Variants in CNOT6 observed in about 807,000 individuals in gnomAD.
CNOT6 encodes CCR4-NOT transcription complex subunit 6, also known as carbon catabolite repression 4 protein.
In CNOT6, 12 loss-of-function variants were observed where a neutral mutation model predicts 61.2. The observed-to-expected ratio is 0.20, with a 90% CI of 0.13 to 0.32. The LOEUF is 0.32. CNOT6 is among the 10% of genes least tolerant of loss of function. The pLI is 1.00. For missense variants in CNOT6, 405 were observed against 663.9 expected (o/e 0.61, Z 4.28); for synonymous variants, 225 against 240.6 (o/e 0.94, Z 0.60).
chr5:180,527,931 T>A (rs1179416566), intron 1 of CNOT6, among the ~76,000 whole-genome samples: 1 of 152,182 alleles, frequency 6.6e-6, no homozygotes, highest in Non-Finnish European at 1.5e-5. Flanking sequence ...GGACCTAGGC[T>A]GTGCGTTCCT....
intron 2 of CNOT6, among the ~76,000 whole-genome samples, chr5:180,536,488 A>G (rs1429591345): frequency 2.0e-5 from 3 of 151,242 alleles, no homozygotes; most frequent in African/African-American, 7.3e-5. Context: ...ATAAGATATC[A>G]TTGTTCTGTG....
intron 3 of CNOT6, among the ~76,000 whole-genome samples, chr5:180,552,468 C>CT (rs754564156): frequency 4.0e-5 from 6 of 151,320 alleles, no homozygotes; most frequent in Admixed American, 3.3e-4. Context: ...GGTGAAACCC[C>CT]GTCTCTACTA....
intron 2 of CNOT6, among the ~76,000 whole-genome samples, chr5:180,531,329 C>T (rs1364251047): frequency 1.3e-5 from 2 of 150,032 alleles, no homozygotes; most frequent in African/African-American, 2.5e-5. Context: ...GGCAGAGACA[C>T]TCCTCAGTTC....
At chr5:180,555,792 A>C (rs560503315) in intron 4 of CNOT6, among the ~76,000 whole-genome samples, 2 of 152,192 alleles carry the variant, frequency 1.3e-5, no homozygotes, top group African/African-American at 4.8e-5. Flanking sequence ...TTTGTTTGCT[A>C]TTATACGTCA....
chr5:180,517,066 T>C (rs1252384640), intron 1 of CNOT6, among the ~76,000 whole-genome samples: 1 of 152,368 alleles, frequency 6.6e-6, no homozygotes, highest in Non-Finnish European at 1.5e-5. Context: ...AAGTAATCTA[T>C]GTAGAATCTG....
chr5:180,557,361 A>AGCAGTGCACGG (rs146032215), intron 4 of CNOT6, among the ~76,000 whole-genome samples: 70,714 of 152,014 alleles, frequency 0.47, 17,479 homozygotes, highest in Non-Finnish European at 0.56. Flanking sequence ...TACATTGTAA[A>AGCAGTGCACGG]GTGATTCACT....
rs371184209 is a variant in CNOT6, at chr5:180,569,142, C to T, written c.1060C>T (p.Leu354Phe). The T allele has an allele frequency of 2.5e-6, 4 of 1,613,918 alleles. No individual in the cohort carries two copies. Among genetic ancestry groups the T allele is most frequent in the Non-Finnish European group, 3.4e-6 (4 of 1,179,962 alleles). The change falls in exon 10 of 12, where the codon CTT becomes TTT. Residue 354 changes from leucine to phenylalanine, a missense_variant. Leu to Phe is a conservative substitution (Grantham distance 22, BLOSUM62 0). This residue lies in a region of CNOT6 where 116 missense variants were observed against 184.6 expected (regional missense o/e 0.63). Coordinates refer to ENST00000261951, the MANE Select transcript of CNOT6 (RefSeq NM_001370472.1). ...GKPHLGTEKQ[L>F]ILVANAHMHW... ...GCCACATCTTGGAACAGAAAAACAA[C>T]TTATTCTTGTGGCTAACGCCCACAT...
chr5:180,515,029 A>G (rs1757569446), intron 1 of CNOT6, among the ~76,000 whole-genome samples: 1 of 152,188 alleles, frequency 6.6e-6, no homozygotes, highest in African/African-American at 2.4e-5. Flanking sequence ...GAGGGCTTAC[A>G]GAGGCTGTAA....
At chr5:180,569,062 G>A in intron 9 of CNOT6, 48 bp from the exon 10 acceptor site, 1 of 1,384,284 alleles carries the variant, frequency 7.2e-7, no homozygotes, top group Non-Finnish European at 1.0e-6. Context: ...TATATGGGCT[G>A]ATGGGCGGGT....
At chr5:180,544,802 C>CT (rs1561651983) in intron 2 of CNOT6, among the ~76,000 whole-genome samples, 1 of 152,160 alleles carries the variant, frequency 6.6e-6, no homozygotes. Context: ...ACACAGAAAA[C>CT]TTAGTAGGGA....
chr5:180,543,692 T>C (rs752133116), intron 2 of CNOT6, among the ~76,000 whole-genome samples: 15 of 152,234 alleles, frequency 9.9e-5, no homozygotes, highest in Middle Eastern at 3.2e-3. Context: ...AATAGTTGCA[T>C]GTTTCCCAAA....
At chr5:180,539,110 G>C (rs1049352228) in intron 2 of CNOT6, among the ~76,000 whole-genome samples, 28 of 149,494 alleles carry the variant, frequency 1.9e-4, no homozygotes, top group Non-Finnish European at 3.6e-4. Context: ...GGGAGGCAGT[G>C]GTTGCAGTGA....
chr5:180,521,882 G>A (rs559313215), intron 1 of CNOT6, among the ~76,000 whole-genome samples: 6 of 152,178 alleles, frequency 3.9e-5, no homozygotes, highest in African/African-American at 1.4e-4. Flanking sequence ...TTCTTTTCTT[G>A]TGGCCATGTA....
chr5:180,531,443 C>T (rs1311007290), intron 2 of CNOT6, among the ~76,000 whole-genome samples: 2 of 151,156 alleles, frequency 1.3e-5, no homozygotes, highest in South Asian at 2.1e-4. Flanking sequence ...CGGGCAGAGA[C>T]GCTCCTCATT....
At chr5:180,547,720 T>G (rs1488208284) in intron 2 of CNOT6, among the ~76,000 whole-genome samples, 1 of 152,146 alleles carries the variant, frequency 6.6e-6, no homozygotes, top group Non-Finnish European at 1.5e-5. Flanking sequence ...TACGTTTGAG[T>G]TCATGGAGTT....
chr5:180,496,486 A>C (rs956565694), intron 1 of CNOT6, among the ~76,000 whole-genome samples: 8 of 152,094 alleles, frequency 5.3e-5, no homozygotes, highest in African/African-American at 1.9e-4. Context: ...AATGGTTGGA[A>C]GTTATTTCAG....
intron 2 of CNOT6, among the ~76,000 whole-genome samples, chr5:180,537,717 TTTAG>T (rs1425677111): frequency 6.6e-6 from 1 of 152,120 alleles, no homozygotes; most frequent in African/African-American, 2.4e-5. Context: ...TCTCCATTTA[TTTAG>T]TTCTTTGATT....
chr5:180,536,576 G>A (rs1286857074), intron 2 of CNOT6, among the ~76,000 whole-genome samples: 1 of 152,220 alleles, frequency 6.6e-6, no homozygotes, highest in South Asian at 2.1e-4. Context: ...CTGAGTAGCT[G>A]GGACTACAGG....
At chr5:180,565,688 C>T (rs1760413387) in intron 6 of CNOT6, 132 bp from the exon 7 acceptor site, 1 of 767,060 alleles carries the variant, frequency 1.3e-6, no homozygotes, top group South Asian at 2.1e-5. Context: ...ATGTGGCGTA[C>T]AGTAGCTTTT....
Sources: gnomAD v4.1 joint callset for allele counts (sites outside exome capture counted in the v4.1 genomes callset) on GRCh38, gnomAD v4.1.1 for gene constraint, gnomAD v4.1.1 regional missense constraint, MANE v1.5 for transcripts, NCBI Gene and HGNC (gene_info 2026-07-23, HGNC 2026-07-21) for gene names.